GPHN: variants seen among roughly 807,000 people sequenced by gnomAD.
GPHN encodes the protein gephyrin.
In GPHN, 17 loss-of-function variants were observed where a neutral mutation model predicts 95.5. That is an observed-to-expected ratio of 0.18 (90% CI 0.12 to 0.27). The LOEUF (loss-of-function observed/expected upper bound fraction) is 0.27, where lower values mean the gene tolerates loss of function less well. GPHN is among the 10% of genes least tolerant of loss of function. GPHN has a pLI of 1.00. For synonymous variants in GPHN, 320 were observed against 322.5 expected, an observed-to-expected ratio of 0.99 and a Z score of 0.08; for missense variants, 660 against 978.1, an observed-to-expected ratio of 0.67 and a Z score of 4.34.
chr14:66,697,127 C>G (rs1393269155), intron 2 of GPHN, among the ~76,000 whole-genome samples: 1 of 152,182 alleles, frequency 6.6e-6, no homozygotes, highest in African/African-American at 2.4e-5. Flanking sequence ...GAATCCACAT[C>G]TTCACCTCAT....
At chr14:67,666,178 A>C in the GPHN span, among the ~76,000 whole-genome samples, 1 of 152,202 alleles carries the variant, frequency 6.6e-6, no homozygotes, top group Non-Finnish European at 1.5e-5. Flanking sequence ...TTCCCTTCCT[A>C]GCTCCTTCCT....
chr14:67,272,251 C>A, the GPHN span, among the ~76,000 whole-genome samples: 1 of 152,186 alleles, frequency 6.6e-6, no homozygotes, highest in Non-Finnish European at 1.5e-5. Context: ...GTCCTATCTT[C>A]CACTACTCTC....
At chr14:66,875,444 A>G (rs1022094704) in intron 4 of GPHN, among the ~76,000 whole-genome samples, 2 of 152,030 alleles carry the variant, frequency 1.3e-5, no homozygotes, top group African/African-American at 4.8e-5. Context: ...AATGCCCCCA[A>G]TTAAAAGACA....
the GPHN span, among the ~76,000 whole-genome samples, chr14:67,731,561 G>A: frequency 3.3e-5 from 5 of 151,772 alleles, no homozygotes; most frequent in South Asian, 1.0e-3. Context: ...GAGTCTGAGT[G>A]TTTAACATTG....
chr14:67,037,426 A>G (rs2074476762), intron 10 of GPHN, among the ~76,000 whole-genome samples: 2 of 152,064 alleles, frequency 1.3e-5, no homozygotes, highest in South Asian at 2.1e-4. Flanking sequence ...AGCACAGACA[A>G]CTTATACAAA....
chr14:66,867,066 G>GAA (rs554757472), intron 4 of GPHN, among the ~76,000 whole-genome samples: 1 of 146,720 alleles, frequency 6.8e-6, no homozygotes, highest in South Asian at 2.1e-4. Context: ...AATTTGAACT[G>GAA]AAAAAAAAAA....
chr14:66,687,544 A>G (rs2067466093), intron 2 of GPHN, among the ~76,000 whole-genome samples: 1 of 139,044 alleles, frequency 7.2e-6, no homozygotes, highest in East Asian at 2.1e-4. Flanking sequence ...GCTGGAGTGC[A>G]ATGGCACAAT....
Position 66,922,905 on chromosome 14 carries a change from A to G in GPHN, c.696A>G (p.Ser232=), listed in dbSNP as rs754195415. The part of the protein sequence containing the change: ...SGVASTEDSS[S]SHITAAAIAA... ...TTGCTTCAACAGAAGATAGTTCCTC[A>G]TCACATATAACTGCAGCAGCCATTG... Residue 232 remains serine, a synonymous_variant, in exon 7 of 23, where the codon TCA becomes TCG. Transcript: ENST00000478722. 5.6e-6 allele frequency: 9 copies of G among 1,613,400 alleles called. No individual in the cohort carries two copies. The highest frequency in any genetic ancestry group is 5.1e-6 in the Non-Finnish European group (6 of 1,179,858).
At chr14:67,485,174 C>T in the GPHN span, among the ~76,000 whole-genome samples, 1 of 152,200 alleles carries the variant, frequency 6.6e-6, no homozygotes, top group Non-Finnish European at 1.5e-5. Context: ...GGTACAACAG[C>T]CTTAAGGCTG....
intron 9 of GPHN, among the ~76,000 whole-genome samples, chr14:66,999,770 A>T (rs539550721): frequency 1.3e-5 from 2 of 151,990 alleles, no homozygotes; most frequent in Admixed American, 1.3e-4. Flanking sequence ...GAATTCCCTT[A>T]GTATAAACCA....
intron 3 of GPHN, among the ~76,000 whole-genome samples, chr14:66,793,149 T>A (rs920634920): frequency 6.6e-6 from 1 of 152,242 alleles, no homozygotes; most frequent in Non-Finnish European, 1.5e-5. Flanking sequence ...TATGGCCAGT[T>A]TTGGGGCCAG....
At chr14:66,537,365 A>G (rs1695915651) in intron 1 of GPHN, among the ~76,000 whole-genome samples, 1 of 151,972 alleles carries the variant, frequency 6.6e-6, no homozygotes, top group African/African-American at 2.4e-5. Context: ...TCTAAACTCC[A>G]TTTTGGCTCA....
At chr14:67,015,846 T>A (rs10131242) in intron 9 of GPHN, among the ~76,000 whole-genome samples, 36,985 of 152,116 alleles carry the variant, frequency 0.24, 8,944 homozygotes, top group African/African-American at 0.59. Context: ...AAGTTCACCT[T>A]TGATTAGAGG....
intron 1 of GPHN, among the ~76,000 whole-genome samples, chr14:66,577,521 C>T (rs2060956636): frequency 6.6e-6 from 1 of 152,102 alleles, no homozygotes; most frequent in Non-Finnish European, 1.5e-5. Context: ...ATTATTCCTT[C>T]TTCAAGTAAC....
At chr14:66,715,505 C>G (rs964926531) in intron 2 of GPHN, among the ~76,000 whole-genome samples, 1 of 151,748 alleles carries the variant, frequency 6.6e-6, no homozygotes, top group African/African-American at 2.4e-5. Context: ...GTGGTTATTT[C>G]CTTTCTTCTG....
At chr14:66,955,161 G>A (rs1383051576) in intron 8 of GPHN, among the ~76,000 whole-genome samples, 1 of 152,112 alleles carries the variant, frequency 6.6e-6, no homozygotes, top group African/African-American at 2.4e-5. Context: ...ATATTTTGTA[G>A]AAGAGTTGGT....
chr14:67,260,147 G>A, the GPHN span, among the ~76,000 whole-genome samples: 1 of 152,122 alleles, frequency 6.6e-6, no homozygotes, highest in African/African-American at 2.4e-5. Context: ...ATAAATTTTA[G>A]GTTTAAGCGC....
chr14:67,239,576 C>A, the GPHN span, among the ~76,000 whole-genome samples: 3 of 152,154 alleles, frequency 2.0e-5, no homozygotes, highest in African/African-American at 7.2e-5. Flanking sequence ...AACTTAGAGG[C>A]GGGGCACGGT....
intron 3 of GPHN, among the ~76,000 whole-genome samples, chr14:66,788,116 C>G (rs943521922): frequency 1.3e-5 from 2 of 148,648 alleles, no homozygotes. Flanking sequence ...GATTACCAAC[C>G]TGGCCAACAT....
Sources: gnomAD v4.1 joint callset for allele counts (sites outside exome capture counted in the v4.1 genomes callset) on GRCh38, gnomAD v4.1.1 for gene constraint, MANE v1.5 for transcripts, NCBI Gene and HGNC (gene_info 2026-07-23, HGNC 2026-07-21) for gene names.